Variants in OLFM4 observed in about 807,000 individuals in gnomAD.
OLFM4 encodes the protein olfactomedin-4.
OLFM4 carries 22 observed loss-of-function variants against 25.5 expected under a neutral mutation model. The ratio of observed to expected loss-of-function variants is 0.86; its 90% confidence interval spans 0.62 to 1.23. The LOEUF is 1.23. OLFM4 is among the 50% of genes most tolerant of loss of function. The pLI is 0.00. For missense variants in OLFM4, 594 were observed against 619.4 expected (o/e 0.96, Z 0.44); for synonymous variants, 255 against 237.7 (o/e 1.07, Z -0.67).
At chr13:53,039,490 A>G (rs1954676695) in intron 2 of OLFM4, among the ~76,000 whole-genome samples, 2 of 152,210 alleles carry the variant, frequency 1.3e-5, no homozygotes, top group Admixed American at 6.5e-5. Context: ...AAAAATAACC[A>G]TGTAACAACA....
chr13:53,043,368 GTT>G (rs1954698162), intron 4 of OLFM4, 104 bp downstream of exon 4: 43 of 459,274 alleles, frequency 9.4e-5, no homozygotes, highest in Middle Eastern at 4.4e-4. Context: ...AAGAAGGTGG[GTT>G]GTTTTTTTTT....
chr13:53,043,548 G>A (rs1227779948), intron 4 of OLFM4, among the ~76,000 whole-genome samples: 1 of 152,016 alleles, frequency 6.6e-6, no homozygotes, highest in East Asian at 1.9e-4. Context: ...TTTCTAACAG[G>A]GAACAAAAAT....
At chr13:53,042,375 T>C (rs1954692495) in intron 3 of OLFM4, among the ~76,000 whole-genome samples, 1 of 152,226 alleles carries the variant, frequency 6.6e-6, no homozygotes, top group Non-Finnish European at 1.5e-5. Flanking sequence ...CAGAATAAAA[T>C]GCCCTTTCAA....
rs1460860145 is a variant in OLFM4 at position 53,050,195 on chromosome 13, A to C, written c.957A>C (p.Arg319=). Reference sequence around the variant, plus strand: ...ATTTGCTATTGTATATAAATGCTCGAGAGTTGCGGATCACCTATGGCCAAG... The same window carrying C: ...ATTTGCTATTGTATATAAATGCTCGCGAGTTGCGGATCACCTATGGCCAAG... ...LDDLLLYINA[R]ELRITYGQGS... is the part of the protein sequence containing the mutation. The change falls in exon 5 of 5, where the codon CGA becomes CGC. Residue 319 remains arginine, a synonymous_variant. Transcript: ENST00000219022. The C allele has an allele frequency of 6.2e-7, 1 of 1,614,082 alleles. No homozygotes were observed.
intron 2 of OLFM4, among the ~76,000 whole-genome samples, chr13:53,036,477 T>C (rs1954659210): frequency 6.6e-6 from 1 of 152,186 alleles, no homozygotes; most frequent in Non-Finnish European, 1.5e-5. Context: ...AGTATGTGGC[T>C]TGCCAGGTTT....
intron 4 of OLFM4, among the ~76,000 whole-genome samples, chr13:53,049,023 G>A (rs1480111303): frequency 1.3e-5 from 2 of 152,114 alleles, no homozygotes; most frequent in Non-Finnish European, 2.9e-5. Flanking sequence ...AGGGTTGATC[G>A]CCCAGACTGA....
intron 1 of OLFM4, among the ~76,000 whole-genome samples, chr13:53,031,910 A>G (rs1954631230): frequency 6.6e-6 from 1 of 152,234 alleles, no homozygotes; most frequent in Non-Finnish European, 1.5e-5. Flanking sequence ...CCCATGCTTC[A>G]TTCATGTAGA....
chr13:53,032,434 G>C (rs1472273745), intron 1 of OLFM4, among the ~76,000 whole-genome samples: 1 of 152,094 alleles, frequency 6.6e-6, no homozygotes. Context: ...TGGCATGCTT[G>C]AGTTGGAGTC....
intron 1 of OLFM4, among the ~76,000 whole-genome samples, chr13:53,033,259 A>T (rs532208894): frequency 9.2e-5 from 14 of 152,352 alleles, no homozygotes; most frequent in Admixed American, 3.9e-4. Flanking sequence ...ATATTTTAAA[A>T]TGACTTTTTC....
chr13:53,045,086 A>G (rs1394356683), intron 4 of OLFM4, among the ~76,000 whole-genome samples: 1 of 152,134 alleles, frequency 6.6e-6, no homozygotes, highest in Non-Finnish European at 1.5e-5. Flanking sequence ...CAGAAGCTGC[A>G]AGGCAAGGGT....
In OLFM4 at chr13:53,043,184, T is replaced by A. The variant is rs1462024282; in HGVS notation, c.650T>A (p.Val217Glu). ...NNVLAIRREIVALKTKLKECE... is the reference protein window; with the variant it reads ...NNVLAIRREIEALKTKLKECE... ...GTCCTTGCCATTCGCCGAGAAATCG[T>A]GGCTCTGAAGACCAAGCTGAAAGAG... is the stretch of plus-strand genomic sequence containing the variant. The change falls in exon 4 of 5, where the codon GTG becomes GAG. Residue 217 changes from valine to glutamate, a missense_variant. Coordinates refer to ENST00000219022, the MANE Select transcript of OLFM4 (RefSeq NM_006418.5). The A allele has an allele frequency of 6.2e-7, 1 of 1,613,544 alleles. No homozygotes were observed. The highest frequency in any genetic ancestry group is 1.7e-5 in the Admixed American group (1 of 59,916).
chr13:53,036,222 ATCAG>A (rs1461138903), intron 2 of OLFM4, among the ~76,000 whole-genome samples: 8 of 152,240 alleles, frequency 5.3e-5, no homozygotes, highest in Non-Finnish European at 1.2e-4. Flanking sequence ...CCTTGAATTA[ATCAG>A]TGGAAAAGGC....
chr13:53,039,625 T>C (rs1050572110), intron 2 of OLFM4, among the ~76,000 whole-genome samples: 1 of 150,456 alleles, frequency 6.6e-6, no homozygotes, highest in African/African-American at 2.4e-5. Context: ...TGTAGGCAAA[T>C]ACTGTACCAT....
Position 53,050,707 on chromosome 13 carries a change from TTTATGTCTATAA to T in OLFM4, c.1470_1481del (p.Tyr491_Asn494del). 1 of 1,613,044 alleles carries T rather than the reference TTTATGTCTATAA, an allele frequency of 6.2e-7. No homozygotes were observed. Among genetic ancestry groups the T allele is most frequent in the Non-Finnish European group, 8.5e-7 (1 of 1,179,676 alleles). On this transcript the variant is annotated inframe_deletion, in exon 5 of 5. Transcript: ENST00000219022. ...AACTATAACCCTTTTGACCAGAAACTTTATGTCTATAACGATGGTTACCTTCTGAATTATGAT... is the reference window on the plus strand; with the variant it reads ...AACTATAACCCTTTTGACCAGAAACTCGATGGTTACCTTCTGAATTATGAT...
intron 2 of OLFM4, among the ~76,000 whole-genome samples, chr13:53,040,114 C>T (rs559307520): frequency 1.3e-5 from 2 of 152,136 alleles, no homozygotes; most frequent in Non-Finnish European, 2.9e-5. Context: ...ATAAAGCCAG[C>T]AACTTATTTA....
chr13:53,043,005 T>C (rs1954695375), intron 3 of OLFM4, 100 bp from the exon 4 acceptor site: 1 of 899,626 alleles, frequency 1.1e-6, no homozygotes, highest in East Asian at 2.5e-5. Flanking sequence ...TCTGGTGTAT[T>C]CTCTGGCAAT....
At chr13:53,029,131 T>A (rs1024944884) in intron 1 of OLFM4, 91 bp downstream of exon 1, 1 of 1,547,734 alleles carries the variant, frequency 6.5e-7, no homozygotes, top group African/African-American at 1.4e-5. Context: ...TGGCTAGACC[T>A]GGGCACTCTA....
chr13:53,044,574 G>A (rs1954705653), intron 4 of OLFM4, among the ~76,000 whole-genome samples: 1 of 152,026 alleles, frequency 6.6e-6, no homozygotes, highest in African/African-American at 2.4e-5. Flanking sequence ...CTGCAAATAG[G>A]AGTGTGTCCT....
chr13:53,030,390 C>G (rs1187218575), intron 1 of OLFM4, among the ~76,000 whole-genome samples: 1 of 152,156 alleles, frequency 6.6e-6, no homozygotes, highest in African/African-American at 2.4e-5. Flanking sequence ...GCAACCTCCG[C>G]CTACCAGGTT....
Sources: allele counts gnomAD v4.1 joint callset (sites outside exome capture counted in the v4.1 genomes callset), GRCh38; gene constraint gnomAD v4.1.1; transcripts MANE v1.5; gene names NCBI Gene and HGNC (gene_info 2026-07-23, HGNC 2026-07-21).